B4GALNT3: variants seen among roughly 807,000 people sequenced by gnomAD.
The protein encoded by B4GALNT3 is beta-1,4-N-acetylgalactosaminyltransferase 3.
Under a neutral mutation model 120.2 loss-of-function variants are expected in B4GALNT3, and 86 were observed. The observed-to-expected ratio is 0.72, with a 90% confidence interval of 0.60 to 0.86. The LOEUF (loss-of-function observed/expected upper bound fraction) is 0.86, where lower values mean the gene tolerates loss of function less well. Among genes scored for constraint, B4GALNT3 ranks in the 40% least tolerant of loss-of-function variants. The pLI is 0.00. For synonymous variants in B4GALNT3, 518 were observed against 510.4 expected (o/e 1.01, Z -0.20); for missense variants, 1,167 against 1,298.9 (o/e 0.90, Z 1.56).
At chr12:523,300 T>C (rs2120628051) in intron 1 of B4GALNT3, among the ~76,000 whole-genome samples, 1 of 152,346 alleles carries the variant, frequency 6.6e-6, no homozygotes, top group East Asian at 1.9e-4. Flanking sequence ...CATTCATTCA[T>C]TCACTCCACA....
intron 19 of B4GALNT3, 125 bp downstream of exon 19, chr12:559,546 C>T: frequency 7.2e-7 from 1 of 1,389,576 alleles, no homozygotes; most frequent in Non-Finnish European, 9.8e-7. Context: ...GTAAAGAGCA[C>T]TGGACTCGGA....
Position 562,105 on chromosome 12 carries a change from C to G in B4GALNT3, c.*654C>G, listed in dbSNP as rs1247162111. ...CCACTGATTAGGGCATTAACTTCCT[C>G]CGGATGGCTCACGTCAGACCAGAAG... is the stretch of plus-strand genomic sequence containing the variant. On this transcript the variant is annotated 3_prime_UTR_variant, in exon 20 of 20. Coordinates refer to ENST00000266383, the MANE Select transcript of B4GALNT3 (RefSeq NM_173593.4). This position sits in a 1 kb window ranked among gnomAD's most constrained non-coding sequence, Gnocchi z 5.2. The G allele has an allele frequency of 2.6e-5, 4 of 152,290 alleles. No homozygotes were observed. The highest frequency in any genetic ancestry group is 9.6e-5 in the African/African-American group (4 of 41,466). 9.4% of individuals were successfully genotyped at this position (152,290 alleles called of 1,614,324 possible).
intron 1 of B4GALNT3, among the ~76,000 whole-genome samples, chr12:488,946 CATTAAA>C (rs1946315706): frequency 6.6e-6 from 1 of 151,422 alleles, no homozygotes; most frequent in South Asian, 2.1e-4. Context: ...ATAATGGAAT[CATTAAA>C]ATGCTCGCTT....
At chr12:546,866 G>C in intron 7 of B4GALNT3, 153 bp downstream of exon 7, 1 of 712,212 alleles carries the variant, frequency 1.4e-6, no homozygotes. Flanking sequence ...CTCAGAAGCC[G>C]CGAGCCCATC....
chr12:473,325 CTGTTGGAAGTT>C (rs1471025708), intron 1 of B4GALNT3, among the ~76,000 whole-genome samples: 1 of 152,126 alleles, frequency 6.6e-6, no homozygotes, highest in Non-Finnish European at 1.5e-5. Context: ...GTTGATTAGG[CTGTTGGAAGTT>C]TGCAGGATGG....
At chr12:521,967 T>TGC in intron 1 of B4GALNT3, among the ~76,000 whole-genome samples, 1 of 81,878 alleles carries the variant, frequency 1.2e-5, no homozygotes, top group East Asian at 4.1e-4. Context: ...CGCTCAGAAG[T>TGC]TCTTTTTTTT....
intron 1 of B4GALNT3, among the ~76,000 whole-genome samples, chr12:463,902 A>G (rs1206699240): frequency 6.6e-6 from 1 of 152,270 alleles, no homozygotes; most frequent in African/African-American, 2.4e-5. Flanking sequence ...TAAAGACCTT[A>G]AAGAGTGGCA....
At chr12:489,653 A>C (rs1946323455) in intron 1 of B4GALNT3, among the ~76,000 whole-genome samples, 1 of 152,242 alleles carries the variant, frequency 6.6e-6, no homozygotes, top group Admixed American at 6.5e-5. Flanking sequence ...GAATAGATGA[A>C]TCCACTGTTA....
At chr12:511,122 C>A (rs902380112) in intron 1 of B4GALNT3, among the ~76,000 whole-genome samples, 9 of 141,596 alleles carry the variant, frequency 6.4e-5, no homozygotes, top group Non-Finnish European at 9.0e-5. Context: ...TTCTGCCTGC[C>A]AAGCTCAAGG....
At position 560,303 on chromosome 12, in the gene B4GALNT3, C is replaced by T. The variant is rs145502275; in HGVS notation, c.2888+882C>T. Among the ~76,000 whole-genome samples, 51 of 152,222 alleles carry T rather than the reference C, an allele frequency of 3.4e-4. No individual in the cohort carries two copies. The East Asian group carries it at 5.6e-3, about 17-fold the overall frequency. On this transcript the variant is annotated intron_variant, in intron 19 of 19. Transcript: ENST00000266383. Reference sequence around the variant, plus strand: ...ACACGAAGACACGCTCACTTCTTCCCGAGAGGCAGGACAAAATGCATCCAC... The same window carrying T: ...ACACGAAGACACGCTCACTTCTTCCTGAGAGGCAGGACAAAATGCATCCAC...
intron 7 of B4GALNT3, among the ~76,000 whole-genome samples, chr12:546,998 T>C (rs1049106490): frequency 1.3e-5 from 2 of 152,094 alleles, no homozygotes; most frequent in African/African-American, 4.8e-5. Flanking sequence ...GTCCTTGCCC[T>C]CCCCCGTTTC....
At chr12:515,527 T>C (rs34993275) in intron 1 of B4GALNT3, among the ~76,000 whole-genome samples, 39,764 of 152,106 alleles carry the variant, frequency 0.26, 5,676 homozygotes, top group East Asian at 0.4. Flanking sequence ...TTAAAAGGGA[T>C]AAATTTGTAA....
chr12:494,451 C>T (rs1369272370), intron 1 of B4GALNT3, among the ~76,000 whole-genome samples: 1 of 152,194 alleles, frequency 6.6e-6, no homozygotes, highest in African/African-American at 2.4e-5. Flanking sequence ...AGCTCTCACA[C>T]TGAACTTAGA....
At chr12:507,314 G>T (rs1195045390) in intron 1 of B4GALNT3, among the ~76,000 whole-genome samples, 1 of 152,156 alleles carries the variant, frequency 6.6e-6, no homozygotes, top group Non-Finnish European at 1.5e-5. Context: ...GTTAGTGTGT[G>T]TGGCCTTCCA....
intron 1 of B4GALNT3, among the ~76,000 whole-genome samples, chr12:511,482 T>TCGAG (rs1555154929): frequency 1.5e-5 from 1 of 66,230 alleles, no homozygotes; most frequent in Non-Finnish European, 2.5e-5. Flanking sequence ...TCTTCCACCT[T>TCGAG]CTTCCACCTT....
At chr12:504,062 C>T (rs943636763) in intron 1 of B4GALNT3, among the ~76,000 whole-genome samples, 1 of 151,584 alleles carries the variant, frequency 6.6e-6, no homozygotes, top group Non-Finnish European at 1.5e-5. Flanking sequence ...TTACAGTGAG[C>T]CGAGATCATG....
In B4GALNT3 at chr12:550,156, A is replaced by C. The variant is rs1401272431; in HGVS notation, c.997+244A>C. Among the ~76,000 whole-genome samples, 1 of 152,250 alleles carries C rather than the reference A, an allele frequency of 6.6e-6. No individual in the cohort carries two copies. The highest frequency in any genetic ancestry group is 1.5e-5 in the Non-Finnish European group (1 of 68,046). On this transcript the variant is annotated intron_variant, in intron 10 of 19. Coordinates refer to ENST00000266383, the MANE Select transcript of B4GALNT3 (RefSeq NM_173593.4). This position sits in a 1 kb window ranked among gnomAD's most constrained non-coding sequence, Gnocchi z 4.1. ...GTGAACGTTTGTGGAACCACCACCC[A>C]CAACAAGAAATAGAGTTAGAACCCG...
chr12:552,622 T>C, intron 13 of B4GALNT3, 94 bp downstream of exon 13: 1 of 1,242,968 alleles, frequency 8.0e-7, no homozygotes. Flanking sequence ...GCCCCGCCCC[T>C]GAGGAGCTCA....
At position 554,556 on chromosome 12, in the gene B4GALNT3, C is replaced by T. The variant is rs576946614; in HGVS notation, c.2060+573C>T. The stretch of plus-strand genomic sequence containing the variant: ...CTGTAATCCCAGCACTTTGGGAGGC[C>T]GAGGCGGGCGGATCACGAGGTCAGG... On this transcript the variant is annotated intron_variant, in intron 14 of 19. Transcript: ENST00000266383. 5.8e-3 allele frequency among the ~76,000 whole-genome samples: 885 copies of T among 151,868 alleles called. 6 individuals carry two copies. Among genetic ancestry groups the T allele is most frequent in the African/African-American group, 0.02 (830 of 41,392 alleles).
Sources: gnomAD v4.1 joint callset for allele counts (sites outside exome capture counted in the v4.1 genomes callset) on GRCh38, gnomAD v4.1.1 for gene constraint, Gnocchi (gnomAD v3.1) non-coding constraint, MANE v1.5 for transcripts, NCBI Gene and HGNC (gene_info 2026-07-23, HGNC 2026-07-21) for gene names.